The following NAALADL2 variants were observed in gnomAD, a reference collection of about 807,000 sequenced individuals.
The protein encoded by NAALADL2 is inactive N-acetylated-alpha-linked acidic dipeptidase-like protein 2.
NAALADL2 carries 76 observed loss-of-function variants against 87.2 expected under a neutral mutation model. The ratio of observed to expected loss-of-function variants is 0.87; its 90% CI spans 0.72 to 1.05. NAALADL2 has a LOEUF of 1.05. Among genes scored for constraint, NAALADL2 ranks in the 50% least tolerant of loss-of-function variants. NAALADL2 has a pLI of 0.00. For synonymous variants in NAALADL2, 354 were observed against 331.0 expected (o/e 1.07, Z -0.75); for missense variants, 1,089 against 945.8 (o/e 1.15, Z -1.99).
chr3:174,928,749 T>A (rs1340975773), intron 1 of NAALADL2, among the ~76,000 whole-genome samples: 4 of 152,158 alleles, frequency 2.6e-5, no homozygotes, highest in African/African-American at 9.7e-5. Flanking sequence ...TATAAAATTG[T>A]AATTATAACA....
intron 1 of NAALADL2, among the ~76,000 whole-genome samples, chr3:174,508,759 A>C (rs1225639695): frequency 1.3e-5 from 2 of 152,122 alleles, no homozygotes; most frequent in African/African-American, 2.4e-5. Flanking sequence ...AAAAATTTTT[A>C]ATTTCTGGCT....
chr3:174,849,734 C>CAAAAAAAAAAAAAAAAAAAAAAAAAAAA (rs57620256), intron 3 of NAALADL2, among the ~76,000 whole-genome samples: 1 of 62,802 alleles, frequency 1.6e-5, no homozygotes, highest in Non-Finnish European at 3.0e-5. Flanking sequence ...GACTCTGACT[C>CAAAAAAAAAAAAAAAAAAAAAAAAAAAA]AAAAAAAAAA....
chr3:175,748,206 TCA>T (rs1476413169), intron 12 of NAALADL2, among the ~76,000 whole-genome samples: 2 of 152,198 alleles, frequency 1.3e-5, no homozygotes, highest in Non-Finnish European at 2.9e-5. Flanking sequence ...GCAATCGCTC[TCA>T]CATTTTTTCA....
intron 10 of NAALADL2, among the ~76,000 whole-genome samples, chr3:175,594,193 T>C (rs1222073117): frequency 6.6e-6 from 1 of 152,036 alleles, no homozygotes; most frequent in African/African-American, 2.4e-5. Context: ...TGTTCCCATG[T>C]TTATATTCAT....
At chr3:174,605,341 G>A (rs1718901099) in intron 2 of NAALADL2, among the ~76,000 whole-genome samples, 1 of 152,148 alleles carries the variant, frequency 6.6e-6, no homozygotes, top group Non-Finnish European at 1.5e-5. Flanking sequence ...AGCGCACCGT[G>A]CGCAAGCCGA....
chr3:175,717,643 A>T lies in NAALADL2; in HGVS notation c.1897-19663A>T, dbSNP rs539610296. Among the ~76,000 whole-genome samples the T allele has an allele frequency of 1.7e-3, 256 of 151,218 alleles. 2 individuals carry two copies. Among genetic ancestry groups the T allele is most frequent in the Middle Eastern group, 3.4e-3 (1 of 292 alleles). ...GAGGTAGAGGCCACAGTGACCCAAG[A>T]TCGTACCACTACACTCCAGCCTGGA... On this transcript the variant is annotated intron_variant, in intron 11 of 13. Coordinates refer to ENST00000454872, the MANE Select transcript of NAALADL2 (RefSeq NM_207015.3).
chr3:175,338,594 C>CA (rs59687897), intron 5 of NAALADL2, among the ~76,000 whole-genome samples: 1,920 of 41,970 alleles, frequency 0.046, 224 homozygotes, highest in African/African-American at 0.11. Context: ...ATACAAAAAC[C>CA]AAAAAAAAAA....
chr3:175,383,590 CTGTTT>C (rs1019067242), intron 5 of NAALADL2, among the ~76,000 whole-genome samples: 1 of 151,876 alleles, frequency 6.6e-6, no homozygotes, highest in Non-Finnish European at 1.5e-5. Flanking sequence ...ATATATAAAT[CTGTTT>C]TGTTTTGTTT....
At chr3:175,438,308 C>T (rs1719087913) in intron 5 of NAALADL2, among the ~76,000 whole-genome samples, 1 of 152,080 alleles carries the variant, frequency 6.6e-6, no homozygotes, top group African/African-American at 2.4e-5. Flanking sequence ...AAAGGATCAG[C>T]TGTATTCACA....
chr3:174,751,988 A>C (rs190388518), intron 3 of NAALADL2, among the ~76,000 whole-genome samples: 2,415 of 150,882 alleles, frequency 0.016, 16 homozygotes, highest in Middle Eastern at 0.021. Flanking sequence ...TTTTCTTTTT[A>C]TTTTTTTTAG....
chr3:174,738,634 A>G (rs370429144), intron 3 of NAALADL2, among the ~76,000 whole-genome samples: 32 of 152,280 alleles, frequency 2.1e-4, no homozygotes, highest in African/African-American at 6.5e-4. Context: ...GGAAAAGGGT[A>G]GAGAGGGGGG....
chr3:174,468,537 T>C (rs1186978673), intron 1 of NAALADL2, among the ~76,000 whole-genome samples: 1 of 151,480 alleles, frequency 6.6e-6, no homozygotes, highest in Admixed American at 6.6e-5. Context: ...CCTGCCACCA[T>C]GTCTGGCTAA....
At chr3:175,042,091 A>C (rs77930059) in intron 1 of NAALADL2, among the ~76,000 whole-genome samples, 1,666 of 152,204 alleles carry the variant, frequency 0.011, 30 homozygotes, top group African/African-American at 0.038. Context: ...CCCAACTCCT[A>C]ACCCAGGGCA....
chr3:174,669,339 C>T lies in NAALADL2; in HGVS notation c.-114-68302C>T, dbSNP rs529719277. Reference sequence around the variant, plus strand: ...AGCCCTTTGTCAGATGAGTAGATTGCAAAAATTTTCTCCCATTCTGTAGGT... The same window carrying T: ...AGCCCTTTGTCAGATGAGTAGATTGTAAAAATTTTCTCCCATTCTGTAGGT... On this transcript the variant is annotated intron_variant, in intron 2 of 3. Coordinates refer to the NAALADL2 transcript ENST00000434257. Among the ~76,000 whole-genome samples, 11 of 152,014 alleles carry T rather than the reference C, an allele frequency of 7.2e-5. No individual in the cohort carries two copies. The East Asian group carries it at 2.1e-3, about 29-fold the overall frequency.
intron 2 of NAALADL2, among the ~76,000 whole-genome samples, chr3:175,186,315 T>C (rs933741304): frequency 2.6e-5 from 4 of 152,124 alleles, no homozygotes; most frequent in African/African-American, 9.7e-5. Context: ...CTTCACTTTG[T>C]CACACAGGAA....
intron 2 of NAALADL2, among the ~76,000 whole-genome samples, chr3:175,105,500 T>C (rs1389066075): frequency 1.3e-5 from 2 of 150,242 alleles, no homozygotes; most frequent in Admixed American, 1.3e-4. Flanking sequence ...TATGTGTGTG[T>C]ATATTTATAT....
chr3:175,113,757 T>C (rs1485503072), intron 2 of NAALADL2, among the ~76,000 whole-genome samples: 1 of 151,412 alleles, frequency 6.6e-6, no homozygotes, highest in Non-Finnish European at 1.5e-5. Context: ...GGATCCCCAA[T>C]TTTTTTTATG....
chr3:175,305,394 C>A (rs948320766), intron 4 of NAALADL2, among the ~76,000 whole-genome samples: 2 of 152,078 alleles, frequency 1.3e-5, no homozygotes, highest in African/African-American at 4.8e-5. Flanking sequence ...TTGTCCAATT[C>A]TGAAAGATGT....
At chr3:175,719,391 A>G (rs1240709116) in intron 11 of NAALADL2, among the ~76,000 whole-genome samples, 2 of 152,064 alleles carry the variant, frequency 1.3e-5, no homozygotes, top group African/African-American at 4.8e-5. Flanking sequence ...ATAAAAAAAA[A>G]AAGTTCCAGA....
Sources: gnomAD v4.1 joint callset for allele counts (sites outside exome capture counted in the v4.1 genomes callset) on GRCh38, gnomAD v4.1.1 for gene constraint, MANE v1.5 for transcripts, NCBI Gene and HGNC (gene_info 2026-07-23, HGNC 2026-07-21) for gene names.